The following KIF13A variants were observed in gnomAD, a reference collection of about 807,000 sequenced individuals.
KIF13A encodes kinesin-like protein KIF13A.
In KIF13A, 79 loss-of-function variants were observed where a neutral mutation model predicts 212.2. That is an observed-to-expected ratio of 0.37 (90% CI 0.31 to 0.45). KIF13A has a LOEUF of 0.45. KIF13A is among the 20% of genes least tolerant of loss of function. The probability of loss-of-function intolerance (pLI) is 1.00; values close to 1 mark genes in which losing one functional copy is unlikely to be tolerated. For missense variants in KIF13A, 1,901 were observed against 2,209.0 expected (o/e 0.86, Z 2.79); for synonymous variants, 789 against 808.6 (o/e 0.98, Z 0.41).
At chr6:17,905,568 T>C (rs962676715) in intron 2 of KIF13A, among the ~76,000 whole-genome samples, 1 of 152,172 alleles carries the variant, frequency 6.6e-6, no homozygotes, top group Non-Finnish European at 1.5e-5. Context: ...TTTATACATA[T>C]ATCACAAAAC....
chr6:17,957,921 T>G (rs1379260153), intron 2 of KIF13A, among the ~76,000 whole-genome samples: 4 of 151,806 alleles, frequency 2.6e-5, no homozygotes, highest in Middle Eastern at 3.2e-3. Flanking sequence ...AACATGACAA[T>G]GACTTCACAT....
At chr6:17,921,502 A>G (rs1295528451) in intron 2 of KIF13A, among the ~76,000 whole-genome samples, 1 of 152,236 alleles carries the variant, frequency 6.6e-6, no homozygotes, top group Non-Finnish European at 1.5e-5. Flanking sequence ...CAATCTTTCC[A>G]GAAAGTTTTT....
Position 17,834,786 on chromosome 6 carries a change from G to A in KIF13A, c.1156-715C>T, listed in dbSNP as rs16879985. Reference sequence around the variant, plus strand: ...CTCTATGAACAAGAAAGATGGCAGAGCTTGGACAAGAAGCTGGGATGTGAT... The same window carrying A: ...CTCTATGAACAAGAAAGATGGCAGAACTTGGACAAGAAGCTGGGATGTGAT... On this transcript the variant is annotated intron_variant, in intron 11 of 38. Transcript: ENST00000259711. This position sits in a 1 kb window ranked among gnomAD's most constrained non-coding sequence, Gnocchi z 4.0. Among the ~76,000 whole-genome samples, 29,659 of 152,146 alleles carry A rather than the reference G, an allele frequency of 0.19. 3,065 individuals carry two copies. Among genetic ancestry groups the A allele is most frequent in the South Asian group, 0.31 (1,495 of 4,826 alleles).
rs545827379 is a variant in KIF13A at position 17,963,856 on chromosome 6, A to G, written c.146+23198T>C. Among the ~76,000 whole-genome samples the G allele has an allele frequency of 1.1e-3, 175 of 152,310 alleles. No homozygotes were observed. The highest frequency in any genetic ancestry group is 4.0e-3 in the African/African-American group (165 of 41,590). On this transcript the variant is annotated intron_variant, in intron 2 of 38. Coordinates refer to ENST00000259711, the MANE Select transcript of KIF13A (RefSeq NM_022113.6). This position sits in a 1 kb window ranked among gnomAD's most constrained non-coding sequence, Gnocchi z 4.1. ...GGGCGTGAGCCACCATGCCTGGCCA[A>G]TATGTTCTATATCTTAATGGTGATA...
intron 2 of KIF13A, among the ~76,000 whole-genome samples, chr6:17,950,065 T>C (rs1581825253): frequency 2.0e-5 from 3 of 152,176 alleles, no homozygotes; most frequent in South Asian, 4.1e-4. Context: ...CAAGGGTCTG[T>C]TGAAAACAAA....
intron 2 of KIF13A, among the ~76,000 whole-genome samples, chr6:17,976,825 T>C (rs6925569): frequency 0.22 from 32,938 of 147,172 alleles, 4,182 homozygotes; most frequent in African/African-American, 0.35. Context: ...AAAAAGAGGC[T>C]GGGTGTGGTG....
intron 2 of KIF13A, among the ~76,000 whole-genome samples, chr6:17,935,228 G>A (rs910452761): frequency 6.6e-5 from 10 of 152,124 alleles, no homozygotes; most frequent in Non-Finnish European, 1.5e-4. Flanking sequence ...ATCAGACTTG[G>A]AAGAAACACT....
At chr6:17,781,623 GTTTTT>G (rs776138365) in intron 29 of KIF13A, among the ~76,000 whole-genome samples, 1 of 107,090 alleles carries the variant, frequency 9.3e-6, no homozygotes, top group Non-Finnish European at 1.8e-5. Flanking sequence ...CTGTACTTGG[GTTTTT>G]TTTTTTTTTT....
At chr6:17,976,268 C>G (rs1780461899) in intron 2 of KIF13A, among the ~76,000 whole-genome samples, 1 of 152,208 alleles carries the variant, frequency 6.6e-6, no homozygotes, top group Non-Finnish European at 1.5e-5. Context: ...TCGGGCTGCA[C>G]AGGAGCCCAC....
chr6:17,773,611 T>A lies in KIF13A; in HGVS notation c.4219-28A>T. 1 of 1,313,436 alleles carries A rather than the reference T, an allele frequency of 7.6e-7. No homozygotes were observed. The allele number at this position is 1,313,436 out of a possible 1,614,324, so 81.4% of individuals were successfully genotyped here. On this transcript the variant is annotated intron_variant, in intron 35 of 38. Transcript: ENST00000259711. The surrounding 1 kb of genome is among the most constrained non-coding windows in gnomAD (Gnocchi z 4.2). ...ACAAGGTAAAAATATGGGTTAACTG[T>A]AATTGAATCACTCCAAAATAAGAAA... is the stretch of plus-strand genomic sequence containing the variant.
chr6:17,965,664 T>C (rs1194003283), intron 2 of KIF13A, among the ~76,000 whole-genome samples: 4 of 152,252 alleles, frequency 2.6e-5, no homozygotes, highest in African/African-American at 9.6e-5. Flanking sequence ...ATATGTGTGA[T>C]GTTAAATCTC....
At chr6:17,945,421 C>A (rs1777302456) in intron 2 of KIF13A, among the ~76,000 whole-genome samples, 1 of 151,936 alleles carries the variant, frequency 6.6e-6, no homozygotes, top group Non-Finnish European at 1.5e-5. Flanking sequence ...ATTTTTTGAT[C>A]TAGGTCCGGA....
At position 17,895,668 on chromosome 6, in the gene KIF13A, C is replaced by T. The variant is rs549486259; in HGVS notation, c.159+2500G>A. Among the ~76,000 whole-genome samples the T allele has an allele frequency of 2.6e-3, 400 of 152,340 alleles. 5 individuals carry two copies. In the Middle Eastern group the frequency reaches 0.027, roughly 10 times the overall value. On this transcript the variant is annotated intron_variant, in intron 3 of 38. Transcript: ENST00000259711. This position sits in a 1 kb window ranked among gnomAD's most constrained non-coding sequence, Gnocchi z 4.4. ...GTCCTCCTCAGCCCCACAAAGCAGT[C>T]AGCAATATGCATTTGCTCTGTCTTT...
rs1768129973 is a variant in KIF13A at position 17,856,311 on chromosome 6, AG to A, written c.221-190del. Among the ~76,000 whole-genome samples, 1 of 152,228 alleles carries A rather than the reference AG, an allele frequency of 6.6e-6. No homozygotes were observed. Among genetic ancestry groups the A allele is most frequent in the Non-Finnish European group, 1.5e-5 (1 of 68,042 alleles). Reference sequence around the variant, plus strand: ...CATCCACACTTCTAAACTACAGCTCAGTACCTGGATACACTGTTTCCCTCTA... The same window carrying A: ...CATCCACACTTCTAAACTACAGCTCATACCTGGATACACTGTTTCCCTCTA... On this transcript the variant is annotated intron_variant, in intron 4 of 38. Transcript: ENST00000259711. The surrounding 1 kb of genome is among the most constrained non-coding windows in gnomAD (Gnocchi z 4.5).
At chr6:17,954,772 C>T (rs942483360) in intron 2 of KIF13A, among the ~76,000 whole-genome samples, 2 of 152,104 alleles carry the variant, frequency 1.3e-5, no homozygotes, top group African/African-American at 4.8e-5. Flanking sequence ...CTCATAGGCT[C>T]AAGGGATCCT....
rs539113047 is a variant in KIF13A, at chr6:17,949,957, C to A, written c.146+37097G>T. 4.5e-4 allele frequency among the ~76,000 whole-genome samples: 69 copies of A among 152,194 alleles called. 1 individual carries two copies. The highest frequency in any genetic ancestry group is 6.3e-4 in the Non-Finnish European group (43 of 67,992). On this transcript the variant is annotated intron_variant, in intron 2 of 38. Transcript: ENST00000259711. ...TAACTAACATATTTCCTACAAAATG[C>A]AGTCACAAACTTACTTTAGCTAGCT...
intron 2 of KIF13A, among the ~76,000 whole-genome samples, chr6:17,922,243 C>T (rs915776154): frequency 6.6e-6 from 1 of 152,182 alleles, no homozygotes; most frequent in African/African-American, 2.4e-5. Context: ...GAAATGAGAA[C>T]ATCTAGTATT....
chr6:17,937,798 G>C (rs2150549152), intron 2 of KIF13A, among the ~76,000 whole-genome samples: 1 of 148,488 alleles, frequency 6.7e-6, no homozygotes, highest in Non-Finnish European at 1.5e-5. Context: ...CGACCAGGCT[G>C]GAGTACAGTG....
At chr6:17,950,723 G>A (rs1189665050) in intron 2 of KIF13A, 1 of 982,118 alleles carries the variant, frequency 1.0e-6, no homozygotes, top group Non-Finnish European at 1.2e-6. Context: ...CGAAATATAT[G>A]ACAAAAAATA....
Sources: gnomAD v4.1 joint callset for allele counts (sites outside exome capture counted in the v4.1 genomes callset) on GRCh38, gnomAD v4.1.1 for gene constraint, Gnocchi (gnomAD v3.1) non-coding constraint, MANE v1.5 for transcripts, NCBI Gene and HGNC (gene_info 2026-07-23, HGNC 2026-07-21) for gene names.